Variants in KRT12 observed in about 807,000 individuals in gnomAD.
The protein encoded by KRT12 is keratin, type I cytoskeletal 12.
In KRT12, 43 loss-of-function variants were observed where a neutral mutation model predicts 50.2. The ratio of observed to expected loss-of-function variants is 0.86; its 90% CI spans 0.67 to 1.11. The LOEUF (loss-of-function observed/expected upper bound fraction) is 1.11. Among genes scored for constraint, KRT12 ranks in the 50% least tolerant of loss-of-function variants. The pLI, the probability that KRT12 is intolerant of heterozygous loss-of-function variation, is 0.00. For synonymous variants in KRT12, 257 were observed against 253.6 expected (o/e 1.01, Z -0.13); for missense variants, 588 against 625.6 (o/e 0.94, Z 0.64).
At position 40,863,197 on chromosome 17, in the gene KRT12, C is replaced by T. The variant is rs140740946; in HGVS notation, c.1242G>A (p.Arg414=). The change falls in exon 6 of 8, where the codon CGG becomes CGA. Residue 414 remains arginine, a synonymous_variant. Coordinates refer to ENST00000251643, the MANE Select transcript of KRT12 (RefSeq NM_000223.4). This position sits in a 1 kb window ranked among gnomAD's most constrained non-coding sequence, Gnocchi z 4.2. The part of the protein sequence containing the change: ...DAERQNVDHQ[R]LLNVKARLEL... The stretch of plus-strand genomic sequence containing the variant: ...CCAGGCGGGCCTTGACATTCAGCAG[C>T]CGCTGGTGGTCCACGTTCTGGCGCT... The T allele has an allele frequency of 1.3e-5, 21 of 1,614,110 alleles. No individual in the cohort carries two copies. The highest frequency in any genetic ancestry group is 1.7e-5 in the Non-Finnish European group (20 of 1,180,044).
Position 40,863,949 on chromosome 17 carries a change from T to A in KRT12, c.808-85A>T. 2.5e-6 allele frequency: 1 copy of A among 397,702 alleles called. No individual in the cohort carries two copies. The highest frequency in any genetic ancestry group is 3.9e-6 in the Non-Finnish European group (1 of 254,748). 24.6% of individuals were successfully genotyped at this position (397,702 alleles called of 1,614,324 possible). The stretch of plus-strand genomic sequence containing the variant: ...GGATACTTTTGTCCTCTTGGGCCCC[T>A]TCCTACACACACACACACACACACA... On this transcript the variant is annotated intron_variant, in intron 3 of 7. Coordinates refer to ENST00000251643, the MANE Select transcript of KRT12 (RefSeq NM_000223.4). The surrounding 1 kb of genome is among the most constrained non-coding windows in gnomAD (Gnocchi z 4.2).
At position 40,866,967 on chromosome 17, in the gene KRT12, CG is replaced by C; in HGVS notation, c.219del (p.Gly74GlufsTer37). ...CCCAGTCCTCCTGCCATGGAACTTC[CG>C]GAGCCACCCCCAAAGCCGGAACTAG... ...FGSSSGFGGG[S>X]GSSMAGGLGA... On this transcript the variant is annotated frameshift_variant, in exon 1 of 8. Coordinates refer to ENST00000251643, the MANE Select transcript of KRT12 (RefSeq NM_000223.4). LOFTEE classifies it high-confidence loss of function. 6.3e-7 allele frequency: 1 copy of C among 1,599,090 alleles called. No individual in the cohort carries two copies. The highest frequency in any genetic ancestry group is 8.5e-7 in the Non-Finnish European group (1 of 1,173,344).
intron 6 of KRT12, 161 bp downstream of exon 6, chr17:40,862,962 C>A: frequency 1.4e-6 from 1 of 703,866 alleles, no homozygotes; most frequent in South Asian, 1.7e-5. Context: ...GGTGAAAACA[C>A]TTTGCAAAGT....
intron 7 of KRT12, 26 bp from the exon 8 acceptor site, chr17:40,861,784 G>T (rs1447141065): frequency 3.5e-6 from 5 of 1,429,630 alleles, no homozygotes; most frequent in Non-Finnish European, 4.9e-6. Context: ...GAATAAGGGG[G>T]CAAGAGTTAG....
chr17:40,864,628 TCA>T (rs74636002), intron 3 of KRT12, among the ~76,000 whole-genome samples, 176 bp downstream of exon 3: 1 of 151,092 alleles, frequency 6.6e-6, no homozygotes, highest in Non-Finnish European at 1.5e-5. Context: ...CACACACACA[TCA>T]CACACACACA....
In KRT12 at chr17:40,863,885, A is replaced by G. The variant is rs371692347; in HGVS notation, c.808-21T>C. 4.5e-5 allele frequency: 70 copies of G among 1,571,696 alleles called. No individual in the cohort carries two copies. Among genetic ancestry groups the G allele is most frequent in the Non-Finnish European group, 5.6e-5 (65 of 1,162,802 alleles). The stretch of plus-strand genomic sequence containing the variant: ...AGCTCCTGGGGACAGCATGTGAGAG[A>G]GAGGGGCACAGGGGTCCATTGTGAC... On this transcript the variant is annotated intron_variant, in intron 3 of 7. Coordinates refer to ENST00000251643, the MANE Select transcript of KRT12 (RefSeq NM_000223.4). This position sits in a 1 kb window ranked among gnomAD's most constrained non-coding sequence, Gnocchi z 4.2.
chr17:40,862,617 A>G lies in KRT12; in HGVS notation c.1335T>C (p.Ser445=). ...GEAQGDGLEE[S]LFVTDSKSQA... is the part of the protein sequence containing the mutation. ...GTGATTTGGAGTCTGTCACAAATAAACTTTCCTCCAAACCATCACTGTAAG... is the reference window on the plus strand; with the variant it reads ...GTGATTTGGAGTCTGTCACAAATAAGCTTTCCTCCAAACCATCACTGTAAG... The change falls in exon 7 of 8, where the codon AGT becomes AGC. Residue 445 remains serine, a synonymous_variant. Transcript: ENST00000251643. 1 of 1,613,286 alleles carries G rather than the reference A, an allele frequency of 6.2e-7. No individual in the cohort carries two copies. The highest frequency in any genetic ancestry group is 1.3e-5 in the African/African-American group (1 of 75,018).
At chr17:40,862,773 A>G (rs1906849429) in intron 6 of KRT12, 138 bp from the exon 7 acceptor site, 5 of 746,846 alleles carry the variant, frequency 6.7e-6, no homozygotes, top group Non-Finnish European at 1.2e-5. Flanking sequence ...CACTTTTGGA[A>G]AGCTTGTTAG....
chr17:40,864,358 C>T (rs911651800), intron 3 of KRT12, among the ~76,000 whole-genome samples: 17 of 152,164 alleles, frequency 1.1e-4, no homozygotes, highest in Admixed American at 1.1e-3. Context: ...CCTTCCCTAC[C>T]TAGCCTCCAA....
At chr17:40,864,491 CT>C (rs1176371653) in intron 3 of KRT12, among the ~76,000 whole-genome samples, 2 of 152,080 alleles carry the variant, frequency 1.3e-5, no homozygotes, top group African/African-American at 4.8e-5. Flanking sequence ...AATACTCAGT[CT>C]TTTTAAAATC....
intron 7 of KRT12, 52 bp downstream of exon 7, chr17:40,862,513 T>C (rs1235476652): frequency 8.1e-7 from 1 of 1,240,354 alleles, no homozygotes; most frequent in African/African-American, 1.5e-5. Context: ...AGGTTTTGCA[T>C]TAATAAATGT....
chr17:40,863,554 C>T lies in KRT12; in HGVS notation c.1026G>A (p.Lys342=). The change falls in exon 5 of 8, where the codon AAG becomes AAA. Residue 342 remains lysine, a synonymous_variant. Coordinates refer to ENST00000251643, the MANE Select transcript of KRT12 (RefSeq NM_000223.4). This position sits in a 1 kb window ranked among gnomAD's most constrained non-coding sequence, Gnocchi z 4.2. ...STNTEQLQSS[K]SEVTDLRRAF... ...CGCGACGCAGGTCGGTGACCTCGCT[C>T]TTGCTGGACTGAAGCTGCTCGGTGT... is the stretch of plus-strand genomic sequence containing the variant. The T allele has an allele frequency of 1.9e-6, 3 of 1,614,258 alleles. No homozygotes were observed. Among genetic ancestry groups the T allele is most frequent in the Non-Finnish European group, 2.5e-6 (3 of 1,180,052 alleles).
At position 40,867,003 on chromosome 17, in the gene KRT12, T is replaced by C. The variant is rs770795118; in HGVS notation, c.184A>G (p.Met62Val). 1.3e-6 allele frequency: 2 copies of C among 1,596,296 alleles called. No homozygotes were observed. Among genetic ancestry groups the C allele is most frequent in the East Asian group, 2.2e-5 (1 of 44,678 alleles). Residue 62 changes from methionine (M) to valine (V), a missense_variant, in exon 1 of 8, where the codon ATG becomes GTG. Met to Val is a conservative substitution (Grantham distance 21). Coordinates refer to ENST00000251643, the MANE Select transcript of KRT12 (RefSeq NM_000223.4). ...SCGGGFSAAS[M>V]FGSSSGFGGG... The stretch of plus-strand genomic sequence containing the variant: ...CCAAAGCCGGAACTAGAACCAAACA[T>C]GGAAGCAGCAGAAAAGCCTCCCCCA...
Position 40,863,416 on chromosome 17 carries a change from A to G in KRT12, c.1095+69T>C, listed in dbSNP as rs1906880882. The G allele has an allele frequency of 6.2e-7, 1 of 1,613,860 alleles. No individual in the cohort carries two copies. The highest frequency in any genetic ancestry group is 8.5e-7 in the Non-Finnish European group (1 of 1,179,806). On this transcript the variant is annotated intron_variant, in intron 5 of 7. Coordinates refer to ENST00000251643, the MANE Select transcript of KRT12 (RefSeq NM_000223.4). The surrounding 1 kb of genome is among the most constrained non-coding windows in gnomAD (Gnocchi z 4.2). ...AAAAGAGGAGGGTAGCCAACGGCTA[A>G]TGTAATTTGGATGCAGCATTTTCTT...
Position 40,863,702 on chromosome 17 carries a change from C to T in KRT12, c.969+1G>A, listed in dbSNP as rs750733554. On this transcript the variant is annotated splice_donor_variant, in intron 4 of 7. Transcript: ENST00000251643. LOFTEE classifies it high-confidence loss of function. This position sits in a 1 kb window ranked among gnomAD's most constrained non-coding sequence, Gnocchi z 4.2. ...ATCAAAGCCTTTGTTGTTTGTGTTA[C>T]CTTTTCAATGAACCAGGCTTCAGCG... 3.1e-6 allele frequency: 5 copies of T among 1,613,994 alleles called. No homozygotes were observed. The highest frequency in any genetic ancestry group is 4.2e-6 in the Non-Finnish European group (5 of 1,180,054).
chr17:40,863,813 C>T lies in KRT12; in HGVS notation c.859G>A (p.Asp287Asn). 3 of 1,612,172 alleles carry T rather than the reference C, an allele frequency of 1.9e-6. No homozygotes were observed. The highest frequency in any genetic ancestry group is 2.2e-5 in the East Asian group (1 of 44,860). ...GGPGEVSVEM[D>N]AAPGVDLTRL... is the part of the protein sequence containing the mutation. ...GTGAGGTCCACTCCGGGGGCAGCGT[C>T]CATTTCTACGCTGACCTCGCCTGGG... The change falls in exon 4 of 8, where the codon GAC (aspartate) becomes AAC (asparagine). Residue 287 changes from aspartate to asparagine, a missense_variant. Asp to Asn is a conservative substitution (Grantham distance 23). Coordinates refer to ENST00000251643, the MANE Select transcript of KRT12 (RefSeq NM_000223.4). This position sits in a 1 kb window ranked among gnomAD's most constrained non-coding sequence, Gnocchi z 4.2.
rs1290044981 is a variant in KRT12, at chr17:40,866,878, G to A, written c.309C>T (p.Gly103=). 3 of 1,613,930 alleles carry A rather than the reference G, an allele frequency of 1.9e-6. No homozygotes were observed. Among genetic ancestry groups the A allele is most frequent in the Non-Finnish European group, 2.5e-6 (3 of 1,180,002 alleles). ...SFGGLGMGFG[G]SPGGGSLGIL... ...TACCTAGAGAGCCACCTCCTGGGCT[G>A]CCCCCAAATCCCATCCCCAGCCCTC... Residue 103 remains glycine (G), a synonymous_variant, in exon 1 of 8, where the codon GGC becomes GGT. Coordinates refer to ENST00000251643, the MANE Select transcript of KRT12 (RefSeq NM_000223.4).
rs71155107 is a variant in KRT12 at position 40,863,953 on chromosome 17, T to TAC, written c.808-91_808-90dup. 10,027 of 512,142 alleles carry TAC rather than the reference T, an allele frequency of 0.02. 78 individuals carry two copies. Among genetic ancestry groups the TAC allele is most frequent in the African/African-American group, 0.045 (2,099 of 46,404 alleles). 31.7% of individuals were successfully genotyped at this position (512,142 alleles called of 1,614,324 possible). ...ACTTTTGTCCTCTTGGGCCCCTTCC[T>TAC]ACACACACACACACACACACACACA... On this transcript the variant is annotated intron_variant, in intron 3 of 7. Transcript: ENST00000251643. This position sits in a 1 kb window ranked among gnomAD's most constrained non-coding sequence, Gnocchi z 4.2.
chr17:40,866,380 A>G (rs1213458111), intron 1 of KRT12, 143 bp from the exon 2 acceptor site: 3 of 760,380 alleles, frequency 3.9e-6, no homozygotes, highest in Non-Finnish European at 6.7e-6. Flanking sequence ...TTCTAAGACA[A>G]TATCTGTATA....
Sources: gnomAD v4.1 joint callset for allele counts (sites outside exome capture counted in the v4.1 genomes callset) on GRCh38, gnomAD v4.1.1 for gene constraint, Gnocchi (gnomAD v3.1) non-coding constraint, MANE v1.5 for transcripts, NCBI Gene and HGNC (gene_info 2026-07-23, HGNC 2026-07-21) for gene names.